MCF2L2: variants seen among roughly 807,000 people sequenced by gnomAD.
The protein encoded by MCF2L2 is probable guanine nucleotide exchange factor MCF2L2.
In MCF2L2, 102 loss-of-function variants were observed where a neutral mutation model predicts 150.2. The ratio of observed to expected loss-of-function variants is 0.68; its 90% CI spans 0.58 to 0.80. The LOEUF (loss-of-function observed/expected upper bound fraction) is 0.80. Ranked by LOEUF, MCF2L2 falls within the 30% of genes least tolerant of loss-of-function variation. The probability of loss-of-function intolerance (pLI) is 0.00; values close to 1 mark genes in which losing one functional copy is unlikely to be tolerated. For synonymous variants in MCF2L2, 465 were observed against 491.3 expected (o/e 0.95, Z 0.71); for missense variants, 1,256 against 1,372.8 (o/e 0.91, Z 1.34).
At chr3:183,342,315 G>A (rs1319243541) in intron 3 of MCF2L2, among the ~76,000 whole-genome samples, 3 of 152,114 alleles carry the variant, frequency 2.0e-5, no homozygotes, top group Non-Finnish European at 4.4e-5. Context: ...GGTCTTTGGG[G>A]CCTGGTTCAA....
chr3:183,312,252 G>A (rs1260334690), intron 7 of MCF2L2, among the ~76,000 whole-genome samples: 1 of 152,082 alleles, frequency 6.6e-6, no homozygotes, highest in African/African-American at 2.4e-5. Flanking sequence ...ACCAACTATG[G>A]CCTTGTTTAA....
At chr3:183,329,314 A>G (rs1258138476) in intron 5 of MCF2L2, among the ~76,000 whole-genome samples, 2 of 152,100 alleles carry the variant, frequency 1.3e-5, no homozygotes, top group East Asian at 3.9e-4. Flanking sequence ...CAGCCTCCAG[A>G]GTAGCTGGGA....
At chr3:183,256,074 G>A (rs1725019291) in intron 15 of MCF2L2, among the ~76,000 whole-genome samples, 3 of 152,334 alleles carry the variant, frequency 2.0e-5, no homozygotes, top group South Asian at 4.1e-4. Context: ...GTAACAAAAT[G>A]TCCCCTATTC....
Position 183,270,818 on chromosome 3 carries a change from A to G in MCF2L2, c.1862+6054T>C. On this transcript the variant is annotated intron_variant, in intron 15 of 29. Coordinates refer to ENST00000328913, the MANE Select transcript of MCF2L2 (RefSeq NM_015078.4). The surrounding 1 kb of genome is among the most constrained non-coding windows in gnomAD (Gnocchi z 4.5). ...TTTGGAAGAATGCTACAGATCCTAA[A>G]GTAAAAACCATTTCCAAAGGTTTTT... 1 of 1,613,988 alleles carries G rather than the reference A, an allele frequency of 6.2e-7. No homozygotes were observed. Among genetic ancestry groups the G allele is most frequent in the Non-Finnish European group, 8.5e-7 (1 of 1,179,978 alleles).
chr3:183,189,070 G>A (rs972869334), intron 27 of MCF2L2, among the ~76,000 whole-genome samples: 13 of 152,168 alleles, frequency 8.5e-5, no homozygotes, highest in African/African-American at 2.9e-4. Context: ...GTACCAAACT[G>A]GGGGCTCAGC....
chr3:183,386,928 T>A (rs932130212), intron 2 of MCF2L2, among the ~76,000 whole-genome samples: 4 of 152,190 alleles, frequency 2.6e-5, no homozygotes. Context: ...CTGTAATTAC[T>A]ATCACAGCGA....
At chr3:183,355,084 ATTAT>A (rs545704879) in intron 3 of MCF2L2, among the ~76,000 whole-genome samples, 103 of 150,340 alleles carry the variant, frequency 6.9e-4, no homozygotes, top group African/African-American at 2.4e-3. Flanking sequence ...TATATTATTT[ATTAT>A]TTATTTTATT....
At chr3:183,217,160 G>A (rs1322882932) in intron 21 of MCF2L2, among the ~76,000 whole-genome samples, 1 of 151,580 alleles carries the variant, frequency 6.6e-6, no homozygotes, top group African/African-American at 2.4e-5. Context: ...TTAGTGTGGT[G>A]GTGGGCGCCT....
Position 183,356,045 on chromosome 3 carries a change from C to T in MCF2L2, c.276-14415G>A, listed in dbSNP as rs73061000. 3.4e-3 allele frequency among the ~76,000 whole-genome samples: 512 copies of T among 152,044 alleles called. 2 individuals carry two copies. The highest frequency in any genetic ancestry group is 0.012 in the African/African-American group (497 of 41,460). ...CAAAGTAGATTTGCCAGGACAGTGC[C>T]TAGGCTATAGGAGTTGAAGCTAAGG... is the stretch of plus-strand genomic sequence containing the variant. On this transcript the variant is annotated intron_variant, in intron 3 of 29. Coordinates refer to ENST00000328913, the MANE Select transcript of MCF2L2 (RefSeq NM_015078.4).
In MCF2L2 at chr3:183,211,370, G is replaced by A. The variant is rs1405034301; in HGVS notation, c.2497-3547C>T. Among the ~76,000 whole-genome samples the A allele has an allele frequency of 2.6e-5, 4 of 152,250 alleles. No homozygotes were observed. The South Asian group carries it at 6.2e-4, about 24-fold the overall frequency. ...TACTGGAAGTGACTCGGGGGGAGTCGCTGGGTCTTTCAAGTCTGGCAGAAA... is the reference window on the plus strand; with the variant it reads ...TACTGGAAGTGACTCGGGGGGAGTCACTGGGTCTTTCAAGTCTGGCAGAAA... On this transcript the variant is annotated intron_variant, in intron 22 of 29. Transcript: ENST00000328913.
Position 183,179,053 on chromosome 3 carries a change from A to C in MCF2L2, c.*327T>G, listed in dbSNP as rs1479993829. ...GTAGAGGCCAGGGGTGCTACTAAAC[A>C]TCCTACCGTGGGAGCACAGAGAAGC... is the stretch of plus-strand genomic sequence containing the variant. On this transcript the variant is annotated 3_prime_UTR_variant, in exon 30 of 30. Coordinates refer to ENST00000328913, the MANE Select transcript of MCF2L2 (RefSeq NM_015078.4). This position sits in a 1 kb window ranked among gnomAD's most constrained non-coding sequence, Gnocchi z 4.2. 2 of 270,302 alleles carry C rather than the reference A, an allele frequency of 7.4e-6. No homozygotes were observed. The highest frequency in any genetic ancestry group is 1.3e-4 in the East Asian group (2 of 15,776). 16.7% of individuals were successfully genotyped at this position (270,302 alleles called of 1,614,324 possible).
At chr3:183,218,355 G>T (rs1160925058) in intron 21 of MCF2L2, among the ~76,000 whole-genome samples, 1 of 152,212 alleles carries the variant, frequency 6.6e-6, no homozygotes, top group Non-Finnish European at 1.5e-5. Flanking sequence ...AGAGTTCTTG[G>T]CAGGGCGCAG....
intron 18 of MCF2L2, chr3:183,225,203 C>CT (rs1723300971): frequency 6.6e-6 from 1 of 152,230 alleles, no homozygotes; most frequent in African/African-American, 2.4e-5. Flanking sequence ...TTCTGTAGCT[C>CT]TTTCTTTCTC....
At chr3:183,189,961 C>G (rs1281005521) in intron 27 of MCF2L2, among the ~76,000 whole-genome samples, 1 of 152,198 alleles carries the variant, frequency 6.6e-6, no homozygotes, top group Non-Finnish European at 1.5e-5. Context: ...TCTTCCTTCT[C>G]TCAAATTCTG....
chr3:183,406,962 A>G (rs939686642), intron 1 of MCF2L2, among the ~76,000 whole-genome samples: 3 of 152,006 alleles, frequency 2.0e-5, no homozygotes, highest in Non-Finnish European at 2.9e-5. Flanking sequence ...ATTTCCTCCT[A>G]TGTTTTCTAA....
chr3:183,364,907 G>A (rs1247249540), intron 3 of MCF2L2, among the ~76,000 whole-genome samples: 1 of 152,124 alleles, frequency 6.6e-6, no homozygotes, highest in African/African-American at 2.4e-5. Context: ...GGTTTCACAG[G>A]CGAATTCTAC....
At chr3:183,337,995 A>G (rs896295683) in intron 5 of MCF2L2, among the ~76,000 whole-genome samples, 1 of 152,174 alleles carries the variant, frequency 6.6e-6, no homozygotes, top group Admixed American at 6.5e-5. Flanking sequence ...GAGAATCACA[A>G]TGTTGACTTT....
chr3:183,423,631 T>TG (rs936601224), intron 1 of MCF2L2, among the ~76,000 whole-genome samples: 3 of 138,864 alleles, frequency 2.2e-5, no homozygotes, highest in African/African-American at 8.3e-5. Context: ...AAATTTTATT[T>TG]GTTTTTTTTT....
rs1256163296 is a variant in MCF2L2, at chr3:183,267,646, A to G, written c.1862+9226T>C. ...GTCAGTCCTGTCCAAAGCCCAGGAA[A>G]CTAATGTACCACCCCCGAGGAAGAG... On this transcript the variant is annotated intron_variant, in intron 15 of 29. Transcript: ENST00000328913. This position sits in a 1 kb window ranked among gnomAD's most constrained non-coding sequence, Gnocchi z 5.5. Among the ~76,000 whole-genome samples, 1 of 152,252 alleles carries G rather than the reference A, an allele frequency of 6.6e-6. No individual in the cohort carries two copies. Among genetic ancestry groups the G allele is most frequent in the Non-Finnish European group, 1.5e-5 (1 of 68,048 alleles).
Sources: gnomAD v4.1 joint callset for allele counts (sites outside exome capture counted in the v4.1 genomes callset) on GRCh38, gnomAD v4.1.1 for gene constraint, Gnocchi (gnomAD v3.1) non-coding constraint, MANE v1.5 for transcripts, NCBI Gene and HGNC (gene_info 2026-07-23, HGNC 2026-07-21) for gene names.